The following RANBP2 variants were observed in gnomAD, a reference collection of about 807,000 sequenced individuals.
RANBP2 encodes the protein E3 SUMO-protein ligase RanBP2.
Under a neutral mutation model 303.6 loss-of-function variants are expected in RANBP2, and 57 were observed. The ratio of observed to expected loss-of-function variants is 0.19; its 90% CI spans 0.15 to 0.23. The LOEUF (loss-of-function observed/expected upper bound fraction) is 0.23. Ranked by LOEUF, RANBP2 falls within the 10% of genes least tolerant of loss-of-function variation. The pLI is 1.00. For synonymous variants in RANBP2, 1,167 were observed against 1,301.5 expected (o/e 0.90, Z 2.23); for missense variants, 3,138 against 3,780.8 (o/e 0.83, Z 4.46).
At chr2:109,506,332 T>C in the RANBP2 span, among the ~76,000 whole-genome samples, 3 of 152,226 alleles carry the variant, frequency 2.0e-5, no homozygotes, top group African/African-American at 7.2e-5. Flanking sequence ...GCCAGGCCTA[T>C]GCTGGGAGCT....
chr2:109,659,497 A>C, the RANBP2 span, among the ~76,000 whole-genome samples: 6 of 152,212 alleles, frequency 3.9e-5, no homozygotes, highest in African/African-American at 9.6e-5. Context: ...TGATTTATCC[A>C]GGGCTGCAGT....
chr2:108,913,893 T>C, the RANBP2 span, among the ~76,000 whole-genome samples: 1 of 140,542 alleles, frequency 7.1e-6, no homozygotes, highest in Admixed American at 8.0e-5. Flanking sequence ...GAGCTTGCAG[T>C]GAGCTGAGAT....
the RANBP2 span, among the ~76,000 whole-genome samples, chr2:109,155,331 C>T: frequency 2.3e-3 from 346 of 152,244 alleles, no homozygotes; most frequent in African/African-American, 7.9e-3. Context: ...GATGGAGTCT[C>T]GCTCTGTTGC....
the RANBP2 span, among the ~76,000 whole-genome samples, chr2:108,956,792 T>G: frequency 4.6e-5 from 6 of 130,442 alleles, no homozygotes; most frequent in South Asian, 2.2e-4. Flanking sequence ...CTCTTTTTTT[T>G]TTTGTTTTTT....
the RANBP2 span, among the ~76,000 whole-genome samples, chr2:109,358,880 T>C: frequency 6.6e-6 from 1 of 152,214 alleles, no homozygotes; most frequent in Admixed American, 6.5e-5. Flanking sequence ...ATCTAGATTT[T>C]CTCCTACATT....
At chr2:109,314,932 C>T in the RANBP2 span, among the ~76,000 whole-genome samples, 1 of 152,162 alleles carries the variant, frequency 6.6e-6, no homozygotes, top group African/African-American at 2.4e-5. Context: ...TTCGTCTCCC[C>T]GTATGAATCT....
chr2:108,994,605 G>C, the RANBP2 span, among the ~76,000 whole-genome samples: 4 of 151,964 alleles, frequency 2.6e-5, no homozygotes, highest in Admixed American at 2.6e-4. Flanking sequence ...ATGAAATATT[G>C]ATATCTTCAT....
At chr2:108,877,187 G>T in the RANBP2 span, among the ~76,000 whole-genome samples, 1 of 152,120 alleles carries the variant, frequency 6.6e-6, no homozygotes, top group African/African-American at 2.4e-5. Context: ...AATGCAGAAG[G>T]CCAGGCGCGG....
the RANBP2 span, among the ~76,000 whole-genome samples, chr2:109,379,553 A>G: frequency 6.6e-6 from 1 of 152,236 alleles, no homozygotes; most frequent in African/African-American, 2.4e-5. Flanking sequence ...TGAAGGAAAA[A>G]TACTCAGGGA....
At chr2:109,042,616 G>A in the RANBP2 span, among the ~76,000 whole-genome samples, 1 of 152,084 alleles carries the variant, frequency 6.6e-6, no homozygotes, top group Non-Finnish European at 1.5e-5. Context: ...TGTTCTCCTG[G>A]GTCTTAGCCT....
the RANBP2 span, among the ~76,000 whole-genome samples, chr2:109,467,199 G>GCTTTATTTGTGACAGCCT: frequency 6.6e-6 from 1 of 152,238 alleles, no homozygotes; most frequent in Non-Finnish European, 1.5e-5. Context: ...ATCCGTAGCA[G>GCTTTATTTGTGACAGCCT]CTTTATTTGT....
chr2:109,379,708 A>G, the RANBP2 span, among the ~76,000 whole-genome samples: 1 of 152,204 alleles, frequency 6.6e-6, no homozygotes, highest in Non-Finnish European at 1.5e-5. Context: ...TGTGGATGCC[A>G]ATCCTGCTTG....
the RANBP2 span, among the ~76,000 whole-genome samples, chr2:109,403,749 C>T: frequency 3.9e-5 from 6 of 152,296 alleles, no homozygotes; most frequent in South Asian, 8.3e-4. Context: ...TGGAGCCCTG[C>T]AGTTAAGAGC....
the RANBP2 span, among the ~76,000 whole-genome samples, chr2:108,940,681 C>T: frequency 2.6e-5 from 4 of 152,214 alleles, no homozygotes; most frequent in Non-Finnish European, 4.4e-5. Flanking sequence ...AAAGACCAAG[C>T]GCAATTACAA....
rs543270435 is a variant in RANBP2, at chr2:108,764,612, G to A, written c.4073G>A (p.Cys1358Tyr). 1.2e-6 allele frequency: 2 copies of A among 1,614,048 alleles called. No homozygotes were observed. Among genetic ancestry groups the A allele is most frequent in the African/African-American group, 1.3e-5 (1 of 75,020 alleles). ...AAGAAAGAAGGGTCTTGGTGGCATT[G>A]TAACAGCTGCTCATTAAAGAATGCT... ...VAKKEGSWWH[C>Y]NSCSLKNAST... Residue 1358 changes from cysteine to tyrosine, a missense_variant, in exon 20 of 29, where the codon TGT becomes TAT. Transcript: ENST00000283195.
At chr2:109,090,025 C>T in the RANBP2 span, among the ~76,000 whole-genome samples, 5 of 152,102 alleles carry the variant, frequency 3.3e-5, no homozygotes, top group African/African-American at 1.2e-4. Flanking sequence ...CTTCTCCAAA[C>T]TGTTGCCCTC....
the RANBP2 span, among the ~76,000 whole-genome samples, chr2:109,311,882 T>C: frequency 6.6e-6 from 1 of 152,148 alleles, no homozygotes. Flanking sequence ...TGTTTTCTCG[T>C]TTTCTTACAT....
the RANBP2 span, among the ~76,000 whole-genome samples, chr2:109,111,083 T>A: frequency 6.6e-6 from 1 of 152,188 alleles, no homozygotes; most frequent in South Asian, 2.1e-4. Context: ...GCACAGATGA[T>A]CATCCAGTTA....
At chr2:109,399,929 G>A in the RANBP2 span, among the ~76,000 whole-genome samples, 103 of 152,300 alleles carry the variant, frequency 6.8e-4, no homozygotes, top group African/African-American at 2.3e-3. Flanking sequence ...TTCTCCCTGC[G>A]CTGCAGCCTT....
Sources: allele counts gnomAD v4.1 joint callset (sites outside exome capture counted in the v4.1 genomes callset), GRCh38; gene constraint gnomAD v4.1.1; transcripts MANE v1.5; gene names NCBI Gene and HGNC (gene_info 2026-07-23, HGNC 2026-07-21).